The following TMEM108 variants were observed in gnomAD, a reference collection of about 807,000 sequenced individuals.
TMEM108 encodes the protein transmembrane protein 108.
In TMEM108, 12 loss-of-function variants were observed where a neutral mutation model predicts 35.1. The observed-to-expected ratio is 0.34, with a 90% CI of 0.22 to 0.55. The LOEUF (loss-of-function observed/expected upper bound fraction) is 0.55. Among genes scored for constraint, TMEM108 ranks in the 20% least tolerant of loss-of-function variants. TMEM108 has a pLI of 0.89. For synonymous variants in TMEM108, 287 were observed against 308.6 expected (o/e 0.93, Z 0.73); for missense variants, 680 against 753.3 (o/e 0.90, Z 1.14).
chr3:133,356,804 T>C (rs1469004777), intron 3 of TMEM108, among the ~76,000 whole-genome samples: 1 of 152,168 alleles, frequency 6.6e-6, no homozygotes, highest in Admixed American at 6.5e-5. Flanking sequence ...TCCCTCGCCT[T>C]ATACAAAAAT....
intron 3 of TMEM108, among the ~76,000 whole-genome samples, chr3:133,369,049 G>A (rs554100892): frequency 6.6e-6 from 1 of 152,278 alleles, no homozygotes; most frequent in African/African-American, 2.4e-5. Context: ...TGAGAAAAAC[G>A]AAGCTTAACT....
intron 3 of TMEM108, among the ~76,000 whole-genome samples, chr3:133,249,572 G>C (rs1946437413): frequency 6.6e-6 from 1 of 152,236 alleles, no homozygotes. Flanking sequence ...TAGGTTTTCT[G>C]TTTCTGCATT....
At chr3:133,131,994 G>A (rs1944497293) in intron 2 of TMEM108, among the ~76,000 whole-genome samples, 1 of 152,108 alleles carries the variant, frequency 6.6e-6, no homozygotes, top group Non-Finnish European at 1.5e-5. Context: ...TCCAGAGTAA[G>A]GTACTAACTC....
At chr3:133,213,797 G>A (rs1468591847) in intron 2 of TMEM108, among the ~76,000 whole-genome samples, 1 of 152,020 alleles carries the variant, frequency 6.6e-6, no homozygotes, top group African/African-American at 2.4e-5. Context: ...TCATTATTGT[G>A]CTTTGGTGTG....
intron 2 of TMEM108, among the ~76,000 whole-genome samples, chr3:133,101,612 A>G (rs1182944255): frequency 4.6e-5 from 7 of 152,248 alleles, no homozygotes; most frequent in Non-Finnish European, 1.0e-4. Context: ...AATCTGAGGC[A>G]TGATTTTTAA....
chr3:133,367,112 G>A (rs570588474), intron 3 of TMEM108, among the ~76,000 whole-genome samples: 1 of 152,280 alleles, frequency 6.6e-6, no homozygotes, highest in South Asian at 2.1e-4. Flanking sequence ...CCATGAAATG[G>A]GCCAGAGGTT....
chr3:133,372,035 G>A (rs183688546), intron 3 of TMEM108, among the ~76,000 whole-genome samples: 7 of 152,340 alleles, frequency 4.6e-5, no homozygotes, highest in Non-Finnish European at 7.3e-5. Context: ...ATTCTCAGAT[G>A]AGTTCTAGGT....
chr3:133,372,418 A>G (rs1282314371), intron 3 of TMEM108, among the ~76,000 whole-genome samples: 1 of 151,808 alleles, frequency 6.6e-6, no homozygotes, highest in African/African-American at 2.4e-5. Context: ...CCTGTTTCTT[A>G]CCCCTGGGAA....
rs147010796 is a variant in TMEM108, at chr3:133,100,894, AG to A, written c.-47+54875del. 1.6e-3 allele frequency among the ~76,000 whole-genome samples: 245 copies of A among 152,352 alleles called. 3 individuals are homozygous for A. In the East Asian group the frequency reaches 0.033, roughly 20 times the overall value. On this transcript the variant is annotated intron_variant, in intron 2 of 5. Coordinates refer to ENST00000321871, the MANE Select transcript of TMEM108 (RefSeq NM_023943.4). ...TCATAACTGTAATCATTGTGAATCAAGCTTTATTTTGTGTATGTATCTAGAT... is the reference window on the plus strand; with the variant it reads ...TCATAACTGTAATCATTGTGAATCAACTTTATTTTGTGTATGTATCTAGAT...
intron 2 of TMEM108, among the ~76,000 whole-genome samples, chr3:133,123,040 G>A (rs146150495): frequency 2.6e-5 from 4 of 152,134 alleles, no homozygotes; most frequent in East Asian, 1.9e-4. Flanking sequence ...ACACATACAC[G>A]TATACATAAA....
At chr3:133,339,466 A>G (rs2071598439) in intron 3 of TMEM108, among the ~76,000 whole-genome samples, 2 of 151,856 alleles carry the variant, frequency 1.3e-5, no homozygotes, top group Non-Finnish European at 3.0e-5. Flanking sequence ...ATCAAAGATT[A>G]TTAAAACTAA....
At chr3:133,048,834 G>A (rs778651660) in intron 2 of TMEM108, among the ~76,000 whole-genome samples, 3 of 152,288 alleles carry the variant, frequency 2.0e-5, no homozygotes, top group Non-Finnish European at 4.4e-5. Context: ...TGGAAGAGAG[G>A]TGAAAAGTGA....
At chr3:133,140,477 T>C (rs1271805439) in intron 2 of TMEM108, among the ~76,000 whole-genome samples, 1 of 152,240 alleles carries the variant, frequency 6.6e-6, no homozygotes, top group Non-Finnish European at 1.5e-5. Flanking sequence ...TTGTGTCCTG[T>C]GAATTTTGCA....
intron 2 of TMEM108, among the ~76,000 whole-genome samples, chr3:133,223,957 A>G (rs1576393551): frequency 6.6e-6 from 1 of 152,240 alleles, no homozygotes; most frequent in East Asian, 1.9e-4. Context: ...AGTTGATCCC[A>G]AATCTCCTAG....
chr3:133,051,075 G>C (rs1943399333), intron 2 of TMEM108, among the ~76,000 whole-genome samples: 1 of 151,218 alleles, frequency 6.6e-6, no homozygotes, highest in South Asian at 2.1e-4. Context: ...GTTTTATTTA[G>C]TAAGAAACTG....
intron 2 of TMEM108, among the ~76,000 whole-genome samples, chr3:133,076,050 G>A (rs1253163309): frequency 6.6e-6 from 1 of 152,196 alleles, no homozygotes; most frequent in Non-Finnish European, 1.5e-5. Flanking sequence ...GGAATGTGGT[G>A]CTGAGTAATG....
intron 3 of TMEM108, among the ~76,000 whole-genome samples, chr3:133,289,703 A>T (rs549697916): frequency 1.1e-4 from 16 of 152,314 alleles, no homozygotes; most frequent in African/African-American, 3.6e-4. Flanking sequence ...CAGATTTAAG[A>T]ATGAAATCAT....
intron 3 of TMEM108, 63 bp downstream of exon 3, chr3:133,229,414 CACAACTT>C: frequency 6.5e-7 from 1 of 1,542,360 alleles, no homozygotes; most frequent in Non-Finnish European, 8.9e-7. Context: ...GCTGGGTACC[CACAACTT>C]ACTTTTTGGA....
intron 3 of TMEM108, among the ~76,000 whole-genome samples, chr3:133,312,779 T>C (rs2071150367): frequency 6.6e-6 from 1 of 152,180 alleles, no homozygotes; most frequent in South Asian, 2.1e-4. Flanking sequence ...GTGCCTCACT[T>C]GGAAATGCAG....
Sources: gnomAD v4.1 joint callset for allele counts (sites outside exome capture counted in the v4.1 genomes callset) on GRCh38, gnomAD v4.1.1 for gene constraint, MANE v1.5 for transcripts, NCBI Gene and HGNC (gene_info 2026-07-23, HGNC 2026-07-21) for gene names.